The following ZNF318 variants were observed in gnomAD, a reference collection of about 807,000 sequenced individuals.
The protein encoded by ZNF318 is endocrine regulator.
A neutral mutation model predicts 124.2 loss-of-function variants in ZNF318; 51 were observed. The observed-to-expected ratio is 0.41, with a 90% CI of 0.33 to 0.52. ZNF318 has a LOEUF of 0.52. Ranked by LOEUF, ZNF318 falls within the 20% of genes least tolerant of loss-of-function variation. ZNF318 has a pLI of 0.23. For missense variants in ZNF318, 2,815 were observed against 2,811.2 expected (o/e 1.00, Z -0.03); for synonymous variants, 1,090 against 1,040.7 (o/e 1.05, Z -0.91).
At position 43,337,687 on chromosome 6, in the gene ZNF318, A is replaced by G. The variant is rs773882859; in HGVS notation, c.6311T>C (p.Ile2104Thr). 6 of 1,614,156 alleles carry G rather than the reference A, an allele frequency of 3.7e-6. No individual in the cohort carries two copies. The highest frequency in any genetic ancestry group is 5.1e-6 in the Non-Finnish European group (6 of 1,180,020). Residue 2104 changes from isoleucine (I) to threonine (T), a missense_variant, in exon 10 of 10, where the codon ATT becomes ACT. By Grantham distance (89) the Ile-to-Thr change is moderately conservative. Transcript: ENST00000361428. ...ATTTTCTGTAAGTCCAGTTTTCAAAATGTTAGGAGAAGGGATCCTAACACT... is the reference window on the plus strand; with the variant it reads ...ATTTTCTGTAAGTCCAGTTTTCAAAGTGTTAGGAGAAGGGATCCTAACACT... Reference protein sequence around the residue: ...PRSVRIPSPNILKTGLTENVD... With the variant: ...PRSVRIPSPNTLKTGLTENVD...
At chr6:43,353,964 A>C (rs1036436676) in intron 4 of ZNF318, among the ~76,000 whole-genome samples, 4 of 152,056 alleles carry the variant, frequency 2.6e-5, no homozygotes, top group African/African-American at 7.2e-5. Context: ...GGCCAGGCAC[A>C]GTGGCTCATG....
At chr6:43,358,816 A>C (rs1361623114) in intron 2 of ZNF318, among the ~76,000 whole-genome samples, 1 of 152,140 alleles carries the variant, frequency 6.6e-6, no homozygotes, top group Non-Finnish European at 1.5e-5. Flanking sequence ...TCAGCCTCCC[A>C]AACTGCTGGG....
chr6:43,340,310 A>G lies in ZNF318; in HGVS notation c.3688T>C (p.Ser1230Pro). 6.2e-7 allele frequency: 1 copy of G among 1,614,034 alleles called. No individual in the cohort carries two copies. The highest frequency in any genetic ancestry group is 8.5e-7 in the Non-Finnish European group (1 of 1,180,018). ...VKEVKEDDKV[S>P]EKLEDQLSEG... ...GAGAGTTGGTCTTCTAATTTCTCAG[A>G]GACCTTGTCATCCTCCTTTACTTCT... Residue 1230 changes from serine to proline, a missense_variant, in exon 10 of 10, where the codon TCT (serine) becomes CCT (proline). Physicochemically the swap from Ser to Pro is moderately conservative, Grantham distance 74. Coordinates refer to ENST00000361428, the MANE Select transcript of ZNF318 (RefSeq NM_014345.3).
chr6:43,357,451 T>C lies in ZNF318; in HGVS notation c.863A>G (p.Asp288Gly), dbSNP rs377300566. 2.5e-6 allele frequency: 4 copies of C among 1,614,010 alleles called. No individual in the cohort carries two copies. The Admixed American group carries it at 5.0e-5, about 20-fold the overall frequency. ...AGTTCCTGATGTAAAACTTGGGTGA[T>C]CCCCTCCCATGCTGTTTATCTTCAC... is the stretch of plus-strand genomic sequence containing the variant. ...DTVKINSMGGDHPSFTSGTRN... is the reference protein window; with the variant it reads ...DTVKINSMGGGHPSFTSGTRN... The change falls in exon 3 of 10, where the codon GAT (aspartate) becomes GGT (glycine). Residue 288 changes from aspartate to glycine, a missense_variant. Asp to Gly is a moderately conservative substitution (Grantham distance 94, BLOSUM62 -1). Transcript: ENST00000361428.
rs751808288 is a variant in ZNF318 at position 43,338,299 on chromosome 6, G to A, written c.5699C>T (p.Ser1900Leu). 2 of 1,614,206 alleles carry A rather than the reference G, an allele frequency of 1.2e-6. No homozygotes were observed. Among genetic ancestry groups the A allele is most frequent in the South Asian group, 2.2e-5 (2 of 91,078 alleles). Residue 1900 changes from serine to leucine, a missense_variant, in exon 10 of 10, where the codon TCA becomes TTA. Transcript: ENST00000361428. ...PELLLHSPAR[S>L]AMCLTGSPQE... ...TGGACTACCTGTTAAACACATAGCT[G>A]ATCTGGCTGGGGAATGAAGCAGCAA...
chr6:43,358,858 G>T (rs1013841437), intron 2 of ZNF318, among the ~76,000 whole-genome samples: 1 of 152,050 alleles, frequency 6.6e-6, no homozygotes, highest in African/African-American at 2.4e-5. Flanking sequence ...ACGTGGCTCA[G>T]ATAAATGGTT....
At position 43,339,954 on chromosome 6, in the gene ZNF318, G is replaced by A; in HGVS notation, c.4044C>T (p.Ile1348=). Reference sequence around the variant, plus strand: ...TGGATGGAATAGGCAGGTTGGGTCGGATCTTAGTCTGTGTGGAAGTTGTCA... The same window carrying A: ...TGGATGGAATAGGCAGGTTGGGTCGAATCTTAGTCTGTGTGGAAGTTGTCA... ...PVVTTSTQTK[I]RPNLPIPSTV... The change falls in exon 10 of 10, where the codon ATC becomes ATT. Residue 1348 remains isoleucine, a synonymous_variant. Transcript: ENST00000361428. The surrounding 1 kb of genome is among the most constrained non-coding windows in gnomAD (Gnocchi z 4.2). 2 of 1,614,204 alleles carry A rather than the reference G, an allele frequency of 1.2e-6. No homozygotes were observed. The highest frequency in any genetic ancestry group is 1.7e-6 in the Non-Finnish European group (2 of 1,180,040).
chr6:43,356,161 C>G lies in ZNF318; in HGVS notation c.1189-16G>C. On this transcript the variant is annotated splice_polypyrimidine_tract_variant and intron_variant, in intron 3 of 9. Coordinates refer to ENST00000361428, the MANE Select transcript of ZNF318 (RefSeq NM_014345.3). ...AACTCTCAAGCTGCAAAGACAAACA[C>G]AACTGATTTAGTCTTATGCAGAATC... 1 of 1,602,874 alleles carries G rather than the reference C, an allele frequency of 6.2e-7. No homozygotes were observed. The highest frequency in any genetic ancestry group is 8.5e-7 in the Non-Finnish European group (1 of 1,176,076).
chr6:43,351,562 A>G (rs985576990), intron 5 of ZNF318, among the ~76,000 whole-genome samples: 2 of 152,064 alleles, frequency 1.3e-5, no homozygotes, highest in African/African-American at 4.8e-5. Flanking sequence ...GGAGTTTGAG[A>G]CCAGCCTGGA....
At position 43,369,018 on chromosome 6, in the gene ZNF318, G is replaced by A. The variant is rs1350384167; in HGVS notation, c.348C>T (p.Ala116=). 2 of 1,435,282 alleles carry A rather than the reference G, an allele frequency of 1.4e-6. No homozygotes were observed. The allele number at this position is 1,435,282 out of a possible 1,614,324, so 88.9% of individuals were successfully genotyped here. Residue 116 remains alanine (A), a synonymous_variant, in exon 1 of 10, where the codon GCC becomes GCT. Transcript: ENST00000361428. ...CTCCGCGGCCGTCCCGGGCATAGTC[G>A]GCGCGGGACTCCCCCCGGCTGCTGC... ...FRGSSRGESR[A]DYARDGRGDH...
chr6:43,348,212 T>C, intron 6 of ZNF318, 112 bp downstream of exon 6: 2 of 1,096,342 alleles, frequency 1.8e-6, no homozygotes, highest in Non-Finnish European at 2.6e-6. Flanking sequence ...TGTAAGAAAA[T>C]AATTAACAAG....
At chr6:43,363,511 T>G in intron 2 of ZNF318, 1 of 213,888 alleles carries the variant, frequency 4.7e-6, no homozygotes, top group East Asian at 1.2e-4. Flanking sequence ...GAAACCGTGG[T>G]GGCTTCCATG....
chr6:43,340,588 A>T, intron 9 of ZNF318, 86 bp from the exon 10 acceptor site: 1 of 1,493,562 alleles, frequency 6.7e-7, no homozygotes, highest in Non-Finnish European at 8.9e-7. Flanking sequence ...GAATTCATTT[A>T]GTAGAAATCC....
At chr6:43,342,547 G>C (rs1779385846) in intron 7 of ZNF318, 129 bp downstream of exon 7, 2 of 970,580 alleles carry the variant, frequency 2.1e-6, no homozygotes, top group Non-Finnish European at 3.1e-6. Flanking sequence ...GGTGTCTCTT[G>C]GCTCTTCAGA....
At position 43,340,102 on chromosome 6, in the gene ZNF318, T is replaced by A. The variant is rs748134080; in HGVS notation, c.3896A>T (p.Glu1299Val). 6.2e-7 allele frequency: 1 copy of A among 1,614,222 alleles called. No homozygotes were observed. The highest frequency in any genetic ancestry group is 8.5e-7 in the Non-Finnish European group (1 of 1,180,038). ...SLVTPSISKE[E>V]ILESSKDKED... The stretch of plus-strand genomic sequence containing the variant: ...TTTGTCCTTACTACTTTCTAGAATC[T>A]CTTCTTTAGAGATACTTGGGGTCAC... The change falls in exon 10 of 10, where the codon GAG becomes GTG. Residue 1299 changes from glutamate (E) to valine (V), a missense_variant. Glu to Val is a moderately radical substitution (Grantham distance 121). Around this residue, in one of 4 missense-constraint regions of ZNF318, gnomAD observed 500 missense variants for 605.2 expected, o/e 0.83. Coordinates refer to ENST00000361428, the MANE Select transcript of ZNF318 (RefSeq NM_014345.3).
In ZNF318 at chr6:43,357,201, C is replaced by G; in HGVS notation, c.1113G>C (p.Glu371Asp). Residue 371 changes from glutamate (E) to aspartate (D), a missense_variant, in exon 3 of 10, where the codon GAG becomes GAC. This residue lies in a region of ZNF318 where 1,377 missense variants were observed against 1,353.5 expected (regional missense o/e 1.02). Transcript: ENST00000361428. ...ATTTCTTGGGCATCACAGATACTTC[C>G]TCAGGCCGATGCAAAGAATATCCTG... Reference protein sequence around the residue: ...SEPGYSLHRPEEVSVMPKKSI... With the variant: ...SEPGYSLHRPDEVSVMPKKSI... 2 of 1,614,190 alleles carry G rather than the reference C, an allele frequency of 1.2e-6. No homozygotes were observed. The highest frequency in any genetic ancestry group is 4.5e-5 in the East Asian group (2 of 44,892).
intron 2 of ZNF318, among the ~76,000 whole-genome samples, chr6:43,361,117 C>A (rs1779676403): frequency 6.6e-6 from 1 of 152,126 alleles, no homozygotes; most frequent in African/African-American, 2.4e-5. Flanking sequence ...AAAATGTATA[C>A]ATATTTTAAA....
chr6:43,367,074 T>C (rs1304114368), intron 1 of ZNF318, among the ~76,000 whole-genome samples: 3 of 152,144 alleles, frequency 2.0e-5, no homozygotes, highest in Non-Finnish European at 4.4e-5. Flanking sequence ...ATGGTCTCGA[T>C]CTCCTGACCT....
Position 43,339,747 on chromosome 6 carries a change from T to C in ZNF318, c.4251A>G (p.Leu1417=), listed in dbSNP as rs1396102345. ...SKAFGGEEVI[L]KGSPEEKVVL... ...CCACTTTTTCCTCTGGAGACCCTTT[T>C]AGAATCACCTCTTCCCCTCCAAATG... The change falls in exon 10 of 10, where the codon CTA becomes CTG. Residue 1417 remains leucine, a synonymous_variant. Coordinates refer to ENST00000361428, the MANE Select transcript of ZNF318 (RefSeq NM_014345.3). The surrounding 1 kb of genome is among the most constrained non-coding windows in gnomAD (Gnocchi z 4.2). 1.5e-5 allele frequency: 25 copies of C among 1,614,032 alleles called. No homozygotes were observed. Among genetic ancestry groups the C allele is most frequent in the Non-Finnish European group, 2.0e-5 (24 of 1,180,030 alleles).
Sources: allele counts gnomAD v4.1 joint callset (sites outside exome capture counted in the v4.1 genomes callset), GRCh38; gene constraint gnomAD v4.1.1; regional missense constraint gnomAD v4.1.1; non-coding constraint Gnocchi (gnomAD v3.1); transcripts MANE v1.5; gene names NCBI Gene and HGNC (gene_info 2026-07-23, HGNC 2026-07-21).